Variants in ANKRD44 observed in about 807,000 individuals in gnomAD.
The protein encoded by ANKRD44 is serine/threonine-protein phosphatase 6 regulatory ankyrin repeat subunit B.
Under a neutral mutation model 116.0 loss-of-function variants are expected in ANKRD44, and 35 were observed. The ratio of observed to expected loss-of-function variants is 0.30; its 90% CI spans 0.23 to 0.40. The LOEUF (loss-of-function observed/expected upper bound fraction) is 0.40, where lower values mean the gene tolerates loss of function less well. Among genes scored for constraint, ANKRD44 ranks in the 10% least tolerant of loss-of-function variants. The pLI, the probability that ANKRD44 is intolerant of heterozygous loss-of-function variation, is 1.00. For missense variants in ANKRD44, 1,014 were observed against 1,242.6 expected (o/e 0.82, Z 2.77); for synonymous variants, 435 against 461.8 (o/e 0.94, Z 0.74).
intron 9 of ANKRD44, among the ~76,000 whole-genome samples, chr2:197,100,413 C>G (rs906351619): frequency 6.6e-5 from 10 of 151,688 alleles, no homozygotes; most frequent in African/African-American, 2.4e-4. Context: ...CCAGCCTGGG[C>G]GACAGAGCGA....
rs894535656 is a variant in ANKRD44 at position 197,006,165 on chromosome 2, G to A, written c.2131-255C>T. 2.6e-5 allele frequency among the ~76,000 whole-genome samples: 4 copies of A among 152,164 alleles called. No individual in the cohort carries two copies. The East Asian group carries it at 5.8e-4, about 22-fold the overall frequency. The stretch of plus-strand genomic sequence containing the variant: ...CTGTGAAAGATATCATGATGCGGCC[G>A]GGCGTGGTGGCTCACGCCTGTAATC... On this transcript the variant is annotated intron_variant, in intron 20 of 27. Transcript: ENST00000282272.
intron 1 of ANKRD44, among the ~76,000 whole-genome samples, chr2:197,300,238 G>A (rs757371263): frequency 3.9e-5 from 6 of 152,168 alleles, no homozygotes; most frequent in Admixed American, 6.5e-5. Context: ...CTCCTATCCA[G>A]TTTGCAAATT....
chr2:197,180,261 C>T (rs11901946), intron 2 of ANKRD44, among the ~76,000 whole-genome samples: 58,844 of 152,026 alleles, frequency 0.39, 14,526 homozygotes, highest in African/African-American at 0.71. Flanking sequence ...ACCTGCAGGC[C>T]GGATTTGGCC....
chr2:197,106,034 A>G (rs2078418736), intron 9 of ANKRD44, among the ~76,000 whole-genome samples: 1 of 152,250 alleles, frequency 6.6e-6, no homozygotes, highest in Non-Finnish European at 1.5e-5. Flanking sequence ...AAAATTGGGT[A>G]GAGAAAGGGA....
At chr2:197,057,183 C>T (rs965660315) in intron 16 of ANKRD44, among the ~76,000 whole-genome samples, 1 of 152,176 alleles carries the variant, frequency 6.6e-6, no homozygotes, top group Non-Finnish European at 1.5e-5. Context: ...CTTTCTACTC[C>T]TAGTTAGCTA....
At chr2:196,979,423 C>T (rs2075783986) in intron 21 of ANKRD44, among the ~76,000 whole-genome samples, 1 of 147,608 alleles carries the variant, frequency 6.8e-6, no homozygotes, top group African/African-American at 2.5e-5. Flanking sequence ...ATAGCATCTA[C>T]TTTCTAGGGT....
chr2:197,202,824 C>T (rs191357504), intron 1 of ANKRD44, among the ~76,000 whole-genome samples: 10 of 151,838 alleles, frequency 6.6e-5, no homozygotes, highest in African/African-American at 7.2e-5. Flanking sequence ...GTGATCCACC[C>T]GCCTTAGCCT....
intron 24 of ANKRD44, 94 bp from the exon 25 acceptor site, chr2:196,998,513 T>G: frequency 1.2e-6 from 1 of 864,868 alleles, no homozygotes; most frequent in Non-Finnish European, 1.9e-6. Context: ...ATATTTAAAT[T>G]AGTACAGTTC....
At chr2:197,272,524 A>C (rs13390077) in intron 1 of ANKRD44, among the ~76,000 whole-genome samples, 26,346 of 152,190 alleles carry the variant, frequency 0.17, 2,504 homozygotes, top group Middle Eastern at 0.29. Flanking sequence ...GCGTGAGCCA[A>C]TGCGCCTGGC....
At position 197,273,980 on chromosome 2, in the gene ANKRD44, A is replaced by ATATCT. The variant is rs1339525916; in HGVS notation, c.27+36597_27+36598insAGATA. ...AACCACAAAAAAAAAAAAAAAAAAAAATATATATATATATATATATATATA... is the reference window on the plus strand; with the variant it reads ...AACCACAAAAAAAAAAAAAAAAAAAATATCTATATATATATATATATATATATATA... On this transcript the variant is annotated intron_variant, in intron 1 of 27. Transcript: ENST00000282272. Among the ~76,000 whole-genome samples, 5 of 43,944 alleles carry ATATCT rather than the reference A, an allele frequency of 1.1e-4. 1 individual carries two copies. The highest frequency in any genetic ancestry group is 2.0e-4 in the Non-Finnish European group (5 of 25,362). 28.8% of individuals were successfully genotyped at this position (43,944 alleles called of 152,430 possible).
At chr2:197,028,958 C>CT (rs570971634) in intron 16 of ANKRD44, 184 of 141,796 alleles carry the variant, frequency 1.3e-3, no homozygotes, top group East Asian at 4.5e-3. Flanking sequence ...GATTATTTTT[C>CT]TTTTTTTTTT....
intron 3 of ANKRD44, among the ~76,000 whole-genome samples, chr2:197,137,700 T>A (rs745579799): frequency 6.6e-6 from 1 of 152,226 alleles, no homozygotes; most frequent in African/African-American, 2.4e-5. Context: ...ACAGCTGGAA[T>A]GCCTCCCATC....
At chr2:197,107,978 G>T (rs2078473140) in intron 9 of ANKRD44, among the ~76,000 whole-genome samples, 1 of 152,238 alleles carries the variant, frequency 6.6e-6, no homozygotes, top group Non-Finnish European at 1.5e-5. Context: ...AAAATTGTCA[G>T]TTGAGATAAG....
At chr2:197,241,469 C>T (rs1199756019) in intron 1 of ANKRD44, among the ~76,000 whole-genome samples, 5 of 152,092 alleles carry the variant, frequency 3.3e-5, no homozygotes, top group Non-Finnish European at 7.4e-5. Flanking sequence ...GTAGAATACT[C>T]ATGGAAAAAT....
intron 21 of ANKRD44, among the ~76,000 whole-genome samples, chr2:196,979,759 T>C (rs1361951322): frequency 6.6e-6 from 1 of 151,758 alleles, no homozygotes; most frequent in Non-Finnish European, 1.5e-5. Context: ...ACAGGGTTTC[T>C]CCATGTTGGT....
chr2:197,170,797 T>C (rs973151995), intron 2 of ANKRD44, among the ~76,000 whole-genome samples: 54 of 152,156 alleles, frequency 3.5e-4, no homozygotes, highest in African/African-American at 1.1e-3. Context: ...AGTGAGATTC[T>C]CTATTTAAAT....
At chr2:197,246,584 G>C (rs185287650) in intron 1 of ANKRD44, among the ~76,000 whole-genome samples, 109 of 151,634 alleles carry the variant, frequency 7.2e-4, no homozygotes, top group African/African-American at 2.5e-3. Context: ...CAACCATCTC[G>C]CTTACACTCA....
intron 21 of ANKRD44, among the ~76,000 whole-genome samples, chr2:196,976,610 T>G (rs906035894): frequency 6.6e-6 from 1 of 152,214 alleles, no homozygotes; most frequent in Non-Finnish European, 1.5e-5. Context: ...CTCATGCCTG[T>G]AATCCCAGCA....
At chr2:197,172,152 C>G (rs1231414332) in intron 2 of ANKRD44, among the ~76,000 whole-genome samples, 5 of 152,034 alleles carry the variant, frequency 3.3e-5, no homozygotes, top group Middle Eastern at 6.8e-3. Context: ...AGGTGCCCAC[C>G]ACCACACTCG....
Sources: gnomAD v4.1 joint callset for allele counts (sites outside exome capture counted in the v4.1 genomes callset) on GRCh38, gnomAD v4.1.1 for gene constraint, MANE v1.5 for transcripts, NCBI Gene and HGNC (gene_info 2026-07-23, HGNC 2026-07-21) for gene names.